CCDC88C: variants seen among roughly 807,000 people sequenced by gnomAD.
CCDC88C encodes protein Daple.
A neutral mutation model predicts 198.8 loss-of-function variants in CCDC88C; 131 were observed. The ratio of observed to expected loss-of-function variants is 0.66; its 90% CI spans 0.57 to 0.76. The LOEUF (loss-of-function observed/expected upper bound fraction) is 0.76. Ranked by LOEUF, CCDC88C falls within the 30% of genes least tolerant of loss-of-function variation. The pLI is 0.00. For missense variants in CCDC88C, 2,553 were observed against 2,631.6 expected (o/e 0.97, Z 0.65); for synonymous variants, 1,166 against 1,114.7 (o/e 1.05, Z -0.92).
intron 28 of CCDC88C, among the ~76,000 whole-genome samples, chr14:91,278,481 G>C (rs752560880): frequency 2.6e-5 from 4 of 152,198 alleles, no homozygotes; most frequent in African/African-American, 4.8e-5. Context: ...CCTTGTCAGC[G>C]CTCGCTCATG....
At chr14:91,413,162 A>T (rs753859390) in intron 2 of CCDC88C, among the ~76,000 whole-genome samples, 1 of 152,126 alleles carries the variant, frequency 6.6e-6, no homozygotes, top group Non-Finnish European at 1.5e-5. Flanking sequence ...GTCAAACCGG[A>T]TGGTTTACTC....
chr14:91,332,552 C>A (rs933900985), intron 10 of CCDC88C, among the ~76,000 whole-genome samples: 1 of 152,310 alleles, frequency 6.6e-6, no homozygotes, highest in Admixed American at 6.5e-5. Context: ...TGGCAGGATG[C>A]GCTCTCCCTT....
intron 14 of CCDC88C, among the ~76,000 whole-genome samples, chr14:91,314,803 C>T (rs771818154): frequency 1.1e-4 from 16 of 152,166 alleles, no homozygotes; most frequent in Non-Finnish European, 2.1e-4. Context: ...TAACCATCTT[C>T]TCTGGGCTTT....
intron 3 of CCDC88C, among the ~76,000 whole-genome samples, chr14:91,372,449 A>T (rs1894849150): frequency 6.8e-6 from 1 of 146,018 alleles, no homozygotes; most frequent in South Asian, 2.2e-4. Context: ...AATCCAGAAA[A>T]GCTCCAAGAA....
intron 10 of CCDC88C, among the ~76,000 whole-genome samples, chr14:91,329,823 T>C (rs940128965): frequency 2.0e-5 from 3 of 152,218 alleles, no homozygotes; most frequent in Non-Finnish European, 4.4e-5. Flanking sequence ...GCTCCACAGA[T>C]ACACAAGGTC....
chr14:91,343,615 A>G lies in CCDC88C; in HGVS notation c.383T>C (p.Leu128Pro). The change falls in exon 5 of 30, where the codon CTG becomes CCG. Residue 128 changes from leucine (L) to proline (P), a missense_variant. By Grantham distance (98) the Leu-to-Pro change is moderately conservative. Coordinates refer to ENST00000389857, the MANE Select transcript of CCDC88C (RefSeq NM_001080414.4). Reference sequence around the variant, plus strand: ...AATCCCTACCTGGACAGCACAGCCCAGCACCAGCAGCAGCACCTTCTTGAT... The same window carrying G: ...AATCCCTACCTGGACAGCACAGCCCGGCACCAGCAGCAGCACCTTCTTGAT... ...EEIKKVLLLV[L>P]GCAVQCERKE... 6.2e-7 allele frequency: 1 copy of G among 1,613,846 alleles called. No individual in the cohort carries two copies. The highest frequency in any genetic ancestry group is 2.2e-5 in the East Asian group (1 of 44,888).
At chr14:91,318,809 T>C (rs1892219894) in intron 13 of CCDC88C, among the ~76,000 whole-genome samples, 1 of 149,460 alleles carries the variant, frequency 6.7e-6, no homozygotes, top group Non-Finnish European at 1.5e-5. Context: ...TCCCAGCTAC[T>C]TGGGAGGCCG....
At chr14:91,397,027 G>A (rs898691943) in intron 3 of CCDC88C, among the ~76,000 whole-genome samples, 3 of 151,904 alleles carry the variant, frequency 2.0e-5, no homozygotes, top group East Asian at 1.9e-4. Context: ...AAGAAAGAAA[G>A]AAAAAAACTT....
intron 22 of CCDC88C, 150 bp from the exon 23 acceptor site, chr14:91,294,468 C>T (rs1311231378): frequency 2.3e-6 from 2 of 875,554 alleles, no homozygotes; most frequent in East Asian, 2.7e-5. Context: ...GGCCAAACGG[C>T]CAATAACGTG....
At position 91,272,530 on chromosome 14, in the gene CCDC88C, C is replaced by A. The variant is rs757700783; in HGVS notation, c.*95G>T. 34 of 1,325,840 alleles carry A rather than the reference C, an allele frequency of 2.6e-5. No homozygotes were observed. Among genetic ancestry groups the A allele is most frequent in the Non-Finnish European group, 3.1e-5 (30 of 965,246 alleles). 82.1% of individuals were successfully genotyped at this position (1,325,840 alleles called of 1,614,324 possible). A position where few individuals can be genotyped will look rare whatever the true frequency, so the allele number is the denominator to read the frequency against. On this transcript the variant is annotated 3_prime_UTR_variant, in exon 30 of 30. Coordinates refer to ENST00000389857, the MANE Select transcript of CCDC88C (RefSeq NM_001080414.4). Reference sequence around the variant, plus strand: ...GGGAACCCCTTTCCTCATTCCAAACCCTCTCCTGGCACCGCAGGCAAGCAA... The same window carrying A: ...GGGAACCCCTTTCCTCATTCCAAACACTCTCCTGGCACCGCAGGCAAGCAA...
At chr14:91,351,824 C>T (rs1217198692) in intron 4 of CCDC88C, among the ~76,000 whole-genome samples, 8 of 152,220 alleles carry the variant, frequency 5.3e-5, no homozygotes, top group African/African-American at 9.6e-5. Context: ...AGCACCACCA[C>T]GCACAACAGA....
chr14:91,385,448 C>T (rs1030675832), intron 3 of CCDC88C, among the ~76,000 whole-genome samples: 1 of 152,128 alleles, frequency 6.6e-6, no homozygotes, highest in Non-Finnish European at 1.5e-5. Context: ...GAGAAGGTTC[C>T]CAGGAGGAGG....
At position 91,288,241 on chromosome 14, in the gene CCDC88C, C is replaced by T. The variant is rs1392150711; in HGVS notation, c.4441+864G>A. ...CTGAGAGTTGATGAAATACAGCATACATGATGAGAAATCCTGTTCTTGTTT... is the reference window on the plus strand; with the variant it reads ...CTGAGAGTTGATGAAATACAGCATATATGATGAGAAATCCTGTTCTTGTTT... On this transcript the variant is annotated intron_variant, in intron 25 of 29. Coordinates refer to ENST00000389857, the MANE Select transcript of CCDC88C (RefSeq NM_001080414.4). This position sits in a 1 kb window ranked among gnomAD's most constrained non-coding sequence, Gnocchi z 4.2. 6.6e-6 allele frequency among the ~76,000 whole-genome samples: 1 copy of T among 152,198 alleles called. No homozygotes were observed. Among genetic ancestry groups the T allele is most frequent in the African/African-American group, 2.4e-5 (1 of 41,444 alleles).
intron 3 of CCDC88C, among the ~76,000 whole-genome samples, chr14:91,372,554 GCGTGTGTTA>G (rs1894864251): frequency 7.1e-6 from 1 of 141,400 alleles, no homozygotes; most frequent in African/African-American, 2.7e-5. Context: ...GGGGGGGGAG[GCGTGTGTTA>G]GTGCAGGGAG....
intron 25 of CCDC88C, chr14:91,285,523 C>T (rs904163378): frequency 1.9e-5 from 12 of 640,644 alleles, no homozygotes; most frequent in Admixed American, 2.9e-5. Context: ...TCAGAATCCA[C>T]GCTGGCTACT....
chr14:91,353,538 G>C (rs1332192480), intron 4 of CCDC88C, among the ~76,000 whole-genome samples: 1 of 152,214 alleles, frequency 6.6e-6, no homozygotes, highest in East Asian at 1.9e-4. Context: ...CTCTGGCTGA[G>C]GGGCAGCCAG....
At chr14:91,307,631 A>C (rs1226066451) in intron 17 of CCDC88C, among the ~76,000 whole-genome samples, 2 of 152,246 alleles carry the variant, frequency 1.3e-5, no homozygotes, top group Non-Finnish European at 2.9e-5. Flanking sequence ...TCAATCCTGC[A>C]GCCAAGAAGC....
intron 3 of CCDC88C, among the ~76,000 whole-genome samples, chr14:91,390,144 A>G (rs1047171900): frequency 1.3e-5 from 2 of 152,142 alleles, no homozygotes; most frequent in Non-Finnish European, 2.9e-5. Flanking sequence ...GTCCTGCTCA[A>G]TGAGCCATGG....
At chr14:91,334,943 C>T (rs938740943) in intron 10 of CCDC88C, among the ~76,000 whole-genome samples, 1 of 152,132 alleles carries the variant, frequency 6.6e-6, no homozygotes, top group African/African-American at 2.4e-5. Context: ...GTGGGAGGCC[C>T]GCCCCAAGAG....
Sources: allele counts gnomAD v4.1 joint callset (sites outside exome capture counted in the v4.1 genomes callset), GRCh38; gene constraint gnomAD v4.1.1; non-coding constraint Gnocchi (gnomAD v3.1); transcripts MANE v1.5; gene names NCBI Gene and HGNC (gene_info 2026-07-23, HGNC 2026-07-21).